Variants in INPP5F observed in about 807,000 individuals in gnomAD.
INPP5F encodes phosphatidylinositide 4-phosphatase SAC2.
Under a neutral mutation model 137.2 loss-of-function variants are expected in INPP5F, and 97 were observed. That is an observed-to-expected ratio of 0.71 (90% CI 0.60 to 0.84). The LOEUF is 0.84. Ranked by LOEUF, INPP5F falls within the 40% of genes least tolerant of loss-of-function variation. The pLI, the probability that INPP5F is intolerant of heterozygous loss-of-function variation, is 0.00. For synonymous variants in INPP5F, 504 were observed against 476.9 expected, an observed-to-expected ratio of 1.06 and a Z score of -0.74; for missense variants, 1,271 against 1,371.9, an observed-to-expected ratio of 0.93 and a Z score of 1.16.
chr10:119,747,695 TAGAG>T (rs763891903), intron 1 of INPP5F, among the ~76,000 whole-genome samples: 2 of 152,290 alleles, frequency 1.3e-5, no homozygotes, highest in Non-Finnish European at 1.5e-5. Flanking sequence ...AGCTATTAAT[TAGAG>T]AGGCAAATAT....
rs538161026 is a variant in INPP5F at position 119,828,770 on chromosome 10, C to T, written c.*990C>T. The stretch of plus-strand genomic sequence containing the variant: ...AGCTACGCAGGAGGATTGCTTGAGC[C>T]CATGAGATTGAGGCTGCAGTGAGCT... On this transcript the variant is annotated 3_prime_UTR_variant, in exon 20 of 20. Transcript: ENST00000650623. The T allele has an allele frequency of 1.3e-5, 2 of 152,362 alleles. No individual in the cohort carries two copies. Among genetic ancestry groups the T allele is most frequent in the East Asian group, 3.9e-4 (2 of 5,190 alleles). The allele number at this position is 152,362 out of a possible 1,614,324, so 9.4% of individuals were successfully genotyped here.
chr10:119,808,147 C>T, intron 13 of INPP5F, 87 bp downstream of exon 13: 1 of 1,475,008 alleles, frequency 6.8e-7, no homozygotes, highest in Admixed American at 2.1e-5. Context: ...TGTGTGGGTT[C>T]CAGATTGCAG....
chr10:119,805,354 A>AT (rs941224160), intron 10 of INPP5F, 30 bp from the exon 11 acceptor site: 4 of 1,562,068 alleles, frequency 2.6e-6, no homozygotes, highest in Non-Finnish European at 3.5e-6. Context: ...TAAATTAAAG[A>AT]TTTTTTCTTT....
chr10:119,750,380 C>T (rs1848657428), intron 1 of INPP5F, among the ~76,000 whole-genome samples: 1 of 152,174 alleles, frequency 6.6e-6, no homozygotes, highest in South Asian at 2.1e-4. Context: ...AGAGAATAAA[C>T]CCTGTCCTTA....
chr10:119,768,576 G>A (rs1849245102), intron 2 of INPP5F: 1 of 152,180 alleles, frequency 6.6e-6, no homozygotes, highest in Non-Finnish European at 1.5e-5. Flanking sequence ...AAAAAATTAT[G>A]AATTCTCCTG....
intron 2 of INPP5F, 151 bp from the exon 3 acceptor site, chr10:119,781,484 A>C (rs1468680834): frequency 1.8e-6 from 1 of 553,260 alleles, no homozygotes; most frequent in Non-Finnish European, 2.9e-6. Context: ...TTTAAGGGTC[A>C]TTTTATGTCT....
intron 9 of INPP5F, 38 bp downstream of exon 9, chr10:119,798,648 C>A: frequency 7.2e-7 from 1 of 1,389,010 alleles, no homozygotes; most frequent in Non-Finnish European, 1.0e-6. Flanking sequence ...GTTCCTTCAT[C>A]TTTAGAAATA....
At chr10:119,741,902 C>A (rs1229879437) in intron 1 of INPP5F, among the ~76,000 whole-genome samples, 1 of 152,046 alleles carries the variant, frequency 6.6e-6, no homozygotes, top group Non-Finnish European at 1.5e-5. Context: ...CTCACTGCAA[C>A]CTCCGCCTCC....
chr10:119,745,699 C>CTTTT (rs35485618), intron 1 of INPP5F, among the ~76,000 whole-genome samples: 14 of 90,544 alleles, frequency 1.5e-4, no homozygotes, highest in Middle Eastern at 9.3e-3. Context: ...AGGCTCATTC[C>CTTTT]TTTTTTTTTT....
chr10:119,819,329 T>A (rs2134287058), intron 15 of INPP5F: 2 of 1,080,528 alleles, frequency 1.9e-6, no homozygotes, highest in Non-Finnish European at 2.3e-6. Flanking sequence ...AGGGTTGACA[T>A]TTTCCGACTG....
At chr10:119,743,548 T>C (rs1450704343) in intron 1 of INPP5F, among the ~76,000 whole-genome samples, 1 of 151,004 alleles carries the variant, frequency 6.6e-6, no homozygotes, top group Non-Finnish European at 1.5e-5. Flanking sequence ...GACTGACCCT[T>C]GTTCTAAGTC....
intron 1 of INPP5F, among the ~76,000 whole-genome samples, chr10:119,741,526 A>T (rs1052245045): frequency 4.6e-5 from 7 of 151,948 alleles, no homozygotes; most frequent in South Asian, 2.1e-4. Context: ...ATTTTTATTT[A>T]TTAATTTTAA....
Position 119,755,355 on chromosome 10 carries a change from G to A in INPP5F, c.178+4199G>A, listed in dbSNP as rs137997938. Reference sequence around the variant, plus strand: ...CCACCATCCCCTTGTGTCTTCACGTGGTCTTCCCTCTGTAACTGTGTGTGT... The same window carrying A: ...CCACCATCCCCTTGTGTCTTCACGTAGTCTTCCCTCTGTAACTGTGTGTGT... On this transcript the variant is annotated intron_variant, in intron 2 of 19. Coordinates refer to ENST00000650623, the MANE Select transcript of INPP5F (RefSeq NM_014937.4). 1.0e-3 allele frequency among the ~76,000 whole-genome samples: 153 copies of A among 152,218 alleles called. 1 individual carries two copies. In the East Asian group the frequency reaches 0.027, roughly 27 times the overall value.
intron 15 of INPP5F, among the ~76,000 whole-genome samples, chr10:119,813,131 A>G (rs947510776): frequency 1.3e-5 from 2 of 152,210 alleles, no homozygotes; most frequent in East Asian, 3.8e-4. Context: ...AGTGTTGGCT[A>G]CGATTTTGTA....
At chr10:119,799,503 A>C (rs1850508160) in intron 9 of INPP5F, among the ~76,000 whole-genome samples, 1 of 152,150 alleles carries the variant, frequency 6.6e-6, no homozygotes, top group Non-Finnish European at 1.5e-5. Flanking sequence ...TTAATATATA[A>C]ATTTTGGGCA....
At chr10:119,738,663 A>G (rs1361785346) in intron 1 of INPP5F, among the ~76,000 whole-genome samples, 3 of 151,922 alleles carry the variant, frequency 2.0e-5, no homozygotes, top group African/African-American at 7.3e-5. Flanking sequence ...ACACACACAC[A>G]CACACACACA....
intron 2 of INPP5F, among the ~76,000 whole-genome samples, chr10:119,773,580 A>G (rs1849430593): frequency 6.6e-6 from 1 of 151,992 alleles, no homozygotes; most frequent in African/African-American, 2.4e-5. Context: ...TCCCTTCTTT[A>G]TCATCATTTA....
chr10:119,821,228 C>T (rs1851546651), intron 16 of INPP5F, among the ~76,000 whole-genome samples: 2 of 152,036 alleles, frequency 1.3e-5, no homozygotes, highest in African/African-American at 4.8e-5. Flanking sequence ...CACTAATGAC[C>T]ACGTATCATT....
At chr10:119,732,506 T>TC (rs200022959) in intron 1 of INPP5F, among the ~76,000 whole-genome samples, 2 of 145,686 alleles carry the variant, frequency 1.4e-5, no homozygotes, top group African/African-American at 5.0e-5. Flanking sequence ...TTTTCTTTTT[T>TC]TTTTTTTTTT....
Sources: gnomAD v4.1 joint callset for allele counts (sites outside exome capture counted in the v4.1 genomes callset) on GRCh38, gnomAD v4.1.1 for gene constraint, MANE v1.5 for transcripts, NCBI Gene and HGNC (gene_info 2026-07-23, HGNC 2026-07-21) for gene names.